Variants in RELCH observed in about 807,000 individuals in gnomAD.
RELCH encodes the protein RAB11-binding protein RELCH.
A neutral mutation model predicts 150.3 loss-of-function variants in RELCH; 41 were observed. The observed-to-expected ratio is 0.27, with a 90% CI of 0.21 to 0.35. The LOEUF (loss-of-function observed/expected upper bound fraction) is 0.35, where lower values mean the gene tolerates loss of function less well. Among genes scored for constraint, RELCH ranks in the 10% least tolerant of loss-of-function variants. The probability of loss-of-function intolerance (pLI) is 1.00; values close to 1 mark genes in which losing one functional copy is unlikely to be tolerated. For synonymous variants in RELCH, 478 were observed against 531.8 expected (o/e 0.90, Z 1.39); for missense variants, 1,092 against 1,467.8 (o/e 0.74, Z 4.18).
chr18:62,190,068 T>G (rs1287669842), intron 1 of RELCH, among the ~76,000 whole-genome samples: 1 of 152,260 alleles, frequency 6.6e-6, no homozygotes, highest in Non-Finnish European at 1.5e-5. Context: ...CAATGGTATT[T>G]GCTTTTCCTG....
chr18:62,287,258 C>T, intron 25 of RELCH, 93 bp from the exon 26 acceptor site: 1 of 685,806 alleles, frequency 1.5e-6, no homozygotes, highest in Non-Finnish European at 2.6e-6. Context: ...AATGAAATTT[C>T]ATAAATTAAA....
chr18:62,227,727 G>T, intron 7 of RELCH, 38 bp downstream of exon 7: 1 of 1,100,880 alleles, frequency 9.1e-7, no homozygotes, highest in South Asian at 1.6e-5. Flanking sequence ...ATCCTCTTAA[G>T]GTGTTTAAAA....
At chr18:62,219,325 C>CTTTTTTTTTTTTTTTTTTTTT (rs202196452) in intron 2 of RELCH, among the ~76,000 whole-genome samples, 317 of 112,776 alleles carry the variant, frequency 2.8e-3, no homozygotes, top group East Asian at 5.5e-3. Context: ...TTCTTTTTTT[C>CTTTTTTTTTTTTTTTTTTTTT]TTTTTTTTTT....
intron 1 of RELCH, among the ~76,000 whole-genome samples, chr18:62,210,225 G>A (rs1409504969): frequency 2.6e-5 from 4 of 152,106 alleles, no homozygotes; most frequent in African/African-American, 9.7e-5. Flanking sequence ...ATTAATAGGT[G>A]CCTAAGTTTC....
chr18:62,251,152 A>T (rs2042683226), intron 11 of RELCH, among the ~76,000 whole-genome samples: 1 of 152,174 alleles, frequency 6.6e-6, no homozygotes, highest in African/African-American at 2.4e-5. Context: ...GTAACAAAGT[A>T]CCCCAGAAGA....
At chr18:62,292,944 G>A (rs544221001) in intron 27 of RELCH, among the ~76,000 whole-genome samples, 6 of 151,986 alleles carry the variant, frequency 3.9e-5, no homozygotes, top group Middle Eastern at 3.4e-3. Context: ...AAATCTCTTC[G>A]TGTTATTCTC....
intron 10 of RELCH, among the ~76,000 whole-genome samples, chr18:62,236,977 G>A (rs1176486732): frequency 6.6e-6 from 1 of 151,446 alleles, no homozygotes; most frequent in Admixed American, 6.6e-5. Flanking sequence ...TATCTCATTA[G>A]TTTTGGTATG....
In RELCH at chr18:62,305,573, C is replaced by T. The variant is rs1252744339; in HGVS notation, c.*39C>T. 3 of 1,564,132 alleles carry T rather than the reference C, an allele frequency of 1.9e-6. No homozygotes were observed. Among genetic ancestry groups the T allele is most frequent in the East Asian group, 2.3e-5 (1 of 43,184 alleles). On this transcript the variant is annotated 3_prime_UTR_variant, in exon 29 of 29. Transcript: ENST00000644646. This position sits in a 1 kb window ranked among gnomAD's most constrained non-coding sequence, Gnocchi z 4.0. ...GCCCCCAGTAAACACTAAGATGGAC[C>T]TCAAGCCGACTGGTTCCTTGTACTT... is the stretch of plus-strand genomic sequence containing the variant.
At chr18:62,278,657 T>C (rs2044343522) in intron 22 of RELCH, among the ~76,000 whole-genome samples, 1 of 152,134 alleles carries the variant, frequency 6.6e-6, no homozygotes, top group African/African-American at 2.4e-5. Flanking sequence ...GCATTTAGGA[T>C]TAATATGTGC....
intron 10 of RELCH, among the ~76,000 whole-genome samples, chr18:62,241,985 G>A (rs2042170900): frequency 6.6e-6 from 1 of 152,136 alleles, no homozygotes; most frequent in African/African-American, 2.4e-5. Flanking sequence ...TCTCAATCTA[G>A]CAATTATCCT....
At chr18:62,256,602 CTA>C (rs2043003881) in intron 13 of RELCH, among the ~76,000 whole-genome samples, 1 of 152,030 alleles carries the variant, frequency 6.6e-6, no homozygotes, top group South Asian at 2.1e-4. Context: ...CTCAGCGGAT[CTA>C]TGTTTGCCTT....
intron 27 of RELCH, among the ~76,000 whole-genome samples, chr18:62,295,206 C>A (rs1212697105): frequency 6.6e-6 from 1 of 151,896 alleles, no homozygotes; most frequent in Admixed American, 6.6e-5. Context: ...TTTGGGGATT[C>A]TTCTCTATGA....
chr18:62,257,966 T>G lies in RELCH; in HGVS notation c.1915T>G (p.Leu639Val). 1 of 1,602,534 alleles carries G rather than the reference T, an allele frequency of 6.2e-7. No homozygotes were observed. The highest frequency in any genetic ancestry group is 8.5e-7 in the Non-Finnish European group (1 of 1,175,408). Residue 639 changes from leucine (L) to valine (V), a missense_variant, in exon 14 of 29, where the codon TTG becomes GTG. By Grantham distance (32) the Leu-to-Val change is conservative (BLOSUM62 1). This residue lies in a region of RELCH where 707 missense variants were observed against 1,025.4 expected (regional missense o/e 0.69). Transcript: ENST00000644646. ...TTTTCAGAAAGAAATCCGTAGCTCCTTGGTTCTTTCAATGTTGCAACAAAT... is the reference window on the plus strand; with the variant it reads ...TTTTCAGAAAGAAATCCGTAGCTCCGTGGTTCTTTCAATGTTGCAACAAAT... Reference protein sequence around the residue: ...PYLPKEIRSSLVLSMLQQMLM... With the variant: ...PYLPKEIRSSVVLSMLQQMLM...
chr18:62,215,650 T>C (rs963597995), intron 2 of RELCH, among the ~76,000 whole-genome samples: 2 of 152,178 alleles, frequency 1.3e-5, no homozygotes, highest in African/African-American at 2.4e-5. Flanking sequence ...AAATAGGTCA[T>C]TTTTAGGTTT....
chr18:62,273,845 T>C, intron 20 of RELCH, 135 bp from the exon 21 acceptor site: 1 of 600,678 alleles, frequency 1.7e-6, no homozygotes, highest in Non-Finnish European at 3.0e-6. Context: ...AATAAATATC[T>C]TTTAATTAAA....
chr18:62,275,937 A>G (rs761148822), intron 22 of RELCH, among the ~76,000 whole-genome samples: 1 of 152,184 alleles, frequency 6.6e-6, no homozygotes, highest in Non-Finnish European at 1.5e-5. Flanking sequence ...CTAACATTTC[A>G]TATGTAGAAT....
At chr18:62,302,026 C>T (rs573751586) in intron 28 of RELCH, among the ~76,000 whole-genome samples, 4 of 152,224 alleles carry the variant, frequency 2.6e-5, no homozygotes, top group South Asian at 2.1e-4. Context: ...TCCTTGAGAC[C>T]GTGACTTGAA....
intron 28 of RELCH, among the ~76,000 whole-genome samples, 159 bp downstream of exon 28, chr18:62,299,019 C>G (rs1405771932): frequency 6.6e-6 from 1 of 152,072 alleles, no homozygotes; most frequent in Admixed American, 6.6e-5. Flanking sequence ...AATCCTGGTC[C>G]ATAAACTATC....
At chr18:62,233,419 T>C (rs2041701527) in intron 10 of RELCH, among the ~76,000 whole-genome samples, 4 of 151,968 alleles carry the variant, frequency 2.6e-5, no homozygotes. Flanking sequence ...AAGCTTATTT[T>C]CAATTATCCA....
Sources: allele counts gnomAD v4.1 joint callset (sites outside exome capture counted in the v4.1 genomes callset), GRCh38; gene constraint gnomAD v4.1.1; regional missense constraint gnomAD v4.1.1; non-coding constraint Gnocchi (gnomAD v3.1); transcripts MANE v1.5; gene names NCBI Gene and HGNC (gene_info 2026-07-23, HGNC 2026-07-21).